The following NUDT3 variants were observed in gnomAD, a reference collection of about 807,000 sequenced individuals.
The protein encoded by NUDT3 is diphosphoinositol polyphosphate phosphohydrolase 1.
Under a neutral mutation model 23.6 loss-of-function variants are expected in NUDT3, and 9 were observed. The ratio of observed to expected loss-of-function variants is 0.38; its 90% CI spans 0.23 to 0.66. NUDT3 has a LOEUF of 0.66. Among genes scored for constraint, NUDT3 ranks in the 30% least tolerant of loss-of-function variants. NUDT3 has a pLI of 0.52. For missense variants in NUDT3, 172 were observed against 218.5 expected (o/e 0.79, Z 1.34); for synonymous variants, 86 against 82.6 (o/e 1.04, Z -0.22).
At chr6:34,385,973 C>G (rs1765098766) in intron 1 of NUDT3, among the ~76,000 whole-genome samples, 1 of 152,224 alleles carries the variant, frequency 6.6e-6, no homozygotes, top group Non-Finnish European at 1.5e-5. Flanking sequence ...CGTGAGCCAC[C>G]ATGCTGAGCC....
At chr6:34,301,164 C>T (rs377530152) in intron 2 of NUDT3, among the ~76,000 whole-genome samples, 4 of 125,728 alleles carry the variant, frequency 3.2e-5, no homozygotes, top group Non-Finnish European at 7.5e-5. Context: ...ACTTGTAGAT[C>T]TAATCTATCT....
intron 1 of NUDT3, among the ~76,000 whole-genome samples, chr6:34,378,216 G>A (rs114195653): frequency 1.3e-5 from 2 of 151,772 alleles, no homozygotes; most frequent in Non-Finnish European, 2.9e-5. Flanking sequence ...GGTGGGAGAA[G>A]TGCTTGCGCC....
rs527514616 is a variant in NUDT3, at chr6:34,373,912, G to C, written c.99+18352C>G. 2.5e-4 allele frequency among the ~76,000 whole-genome samples: 38 copies of C among 152,180 alleles called. 1 individual carries two copies. Among genetic ancestry groups the C allele is most frequent in the Non-Finnish European group, 3.7e-4 (25 of 68,010 alleles). On this transcript the variant is annotated intron_variant, in intron 1 of 4. Coordinates refer to ENST00000607016, the MANE Select transcript of NUDT3 (RefSeq NM_006703.4). The stretch of plus-strand genomic sequence containing the variant: ...CTCATGCCTGTAATCCCAGCACTTT[G>C]GGAGGCCAAGGCGGGCGGATCATCT...
At chr6:34,291,053 G>A (rs1279345475) in intron 4 of NUDT3, among the ~76,000 whole-genome samples, 1 of 151,726 alleles carries the variant, frequency 6.6e-6, no homozygotes, top group Admixed American at 6.6e-5. Flanking sequence ...TCCGCCTCCC[G>A]GGTTCAAGCA....
intron 2 of NUDT3, among the ~76,000 whole-genome samples, chr6:34,297,901 A>G (rs1043351527): frequency 3.3e-5 from 5 of 149,904 alleles, no homozygotes; most frequent in Non-Finnish European, 7.4e-5. Flanking sequence ...GGCCCAAGAA[A>G]AGATTTAAGA....
intron 1 of NUDT3, among the ~76,000 whole-genome samples, chr6:34,374,797 CT>C (rs1460450034): frequency 2.6e-5 from 4 of 152,128 alleles, no homozygotes; most frequent in African/African-American, 7.2e-5. Context: ...AGGCACTTTA[CT>C]TTCCTCATTC....
intron 1 of NUDT3, among the ~76,000 whole-genome samples, chr6:34,344,111 G>C (rs985380487): frequency 1.3e-5 from 2 of 152,150 alleles, no homozygotes; most frequent in African/African-American, 4.8e-5. Flanking sequence ...GGTTCATTCA[G>C]CCACTGTGGG....
At chr6:34,368,318 A>C (rs1163965647) in intron 1 of NUDT3, among the ~76,000 whole-genome samples, 1 of 152,176 alleles carries the variant, frequency 6.6e-6, no homozygotes, top group Non-Finnish European at 1.5e-5. Flanking sequence ...TTCCCTACCA[A>C]GTAGCTGGAG....
At chr6:34,295,588 T>C (rs1763487059) in intron 3 of NUDT3, 53 bp downstream of exon 3, 2 of 1,568,624 alleles carry the variant, frequency 1.3e-6, no homozygotes, top group East Asian at 2.2e-5. Flanking sequence ...TATGTTAATA[T>C]CTGTGTGGTT....
intron 2 of NUDT3, among the ~76,000 whole-genome samples, chr6:34,310,756 A>G (rs1350325092): frequency 1.3e-5 from 2 of 152,208 alleles, no homozygotes; most frequent in Non-Finnish European, 1.5e-5. Context: ...CTACAGACCA[A>G]TATCTTGTAG....
intron 1 of NUDT3, among the ~76,000 whole-genome samples, chr6:34,350,554 A>G (rs1021580212): frequency 7.9e-5 from 12 of 151,146 alleles, no homozygotes; most frequent in African/African-American, 2.9e-4. Flanking sequence ...AAAATGTTTA[A>G]AAGATGAGTA....
rs1763363007 is a variant in NUDT3, at chr6:34,288,280, T to G, written c.*473A>C. The G allele has an allele frequency of 6.6e-6, 1 of 152,574 alleles. No homozygotes were observed. Among genetic ancestry groups the G allele is most frequent in the South Asian group, 2.1e-4 (1 of 4,838 alleles). 9.5% of individuals were successfully genotyped at this position (152,574 alleles called of 1,614,324 possible). On this transcript the variant is annotated 3_prime_UTR_variant, in exon 5 of 5. Transcript: ENST00000607016. ...CCGATATATAATGTGTAGATAAATG[T>G]ATACTGCAGTGAAAGTGACCACTCT...
intron 2 of NUDT3, among the ~76,000 whole-genome samples, chr6:34,307,072 A>C (rs567170158): frequency 6.6e-6 from 1 of 152,122 alleles, no homozygotes; most frequent in East Asian, 1.9e-4. Context: ...AGAAGCAAAA[A>C]CATTTATATC....
intron 2 of NUDT3, among the ~76,000 whole-genome samples, chr6:34,334,097 G>A (rs998457664): frequency 1.3e-5 from 2 of 152,236 alleles, no homozygotes; most frequent in Non-Finnish European, 2.9e-5. Flanking sequence ...CCTGTCACGA[G>A]TGATGCCTGC....
chr6:34,344,187 C>A (rs1040882964), intron 1 of NUDT3, among the ~76,000 whole-genome samples: 3 of 152,138 alleles, frequency 2.0e-5, no homozygotes, highest in African/African-American at 7.2e-5. Context: ...AACTCCACTG[C>A]TAGGTATACA....
chr6:34,351,222 A>AAAAAAC (rs1764468736), intron 1 of NUDT3, among the ~76,000 whole-genome samples: 2 of 135,088 alleles, frequency 1.5e-5, no homozygotes, highest in Non-Finnish European at 3.1e-5. Context: ...AAAAAAAAAA[A>AAAAAAC]AAAACACTTT....
chr6:34,343,533 C>A (rs1355367735), intron 1 of NUDT3, among the ~76,000 whole-genome samples: 1 of 146,336 alleles, frequency 6.8e-6, no homozygotes, highest in Non-Finnish European at 1.5e-5. Context: ...AGAGTGAGAC[C>A]CCCATCTCAA....
chr6:34,313,804 T>C (rs1763815613), intron 2 of NUDT3, among the ~76,000 whole-genome samples: 1 of 149,648 alleles, frequency 6.7e-6, no homozygotes, highest in Admixed American at 6.6e-5. Flanking sequence ...CTACTAAAAA[T>C]ACAAAAAATT....
rs114518395 is a variant in NUDT3 at position 34,375,026 on chromosome 6, C to G, written c.99+17238G>C. Reference sequence around the variant, plus strand: ...GAAACTTAAACAATATAAATTCCACCTCCTTTTGAGCCCACTAGGTAATAA... The same window carrying G: ...GAAACTTAAACAATATAAATTCCACGTCCTTTTGAGCCCACTAGGTAATAA... On this transcript the variant is annotated intron_variant, in intron 1 of 4. Coordinates refer to ENST00000607016, the MANE Select transcript of NUDT3 (RefSeq NM_006703.4). Among the ~76,000 whole-genome samples the G allele has an allele frequency of 6.3e-3, 953 of 152,264 alleles. 11 individuals are homozygous for G. The highest frequency in any genetic ancestry group is 0.022 in the African/African-American group (902 of 41,540).
Sources: allele counts gnomAD v4.1 joint callset (sites outside exome capture counted in the v4.1 genomes callset), GRCh38; gene constraint gnomAD v4.1.1; transcripts MANE v1.5; gene names NCBI Gene and HGNC (gene_info 2026-07-23, HGNC 2026-07-21).